The following NRXN1 variants were observed in gnomAD, a reference collection of about 807,000 sequenced individuals.
NRXN1 encodes the protein neurexin-1.
In NRXN1, 39 loss-of-function variants were observed where a neutral mutation model predicts 150.9. The observed-to-expected ratio is 0.26, with a 90% CI of 0.20 to 0.34. NRXN1 has a LOEUF of 0.34. Among genes scored for constraint, NRXN1 ranks in the 10% least tolerant of loss-of-function variants. The pLI, the probability that NRXN1 is intolerant of heterozygous loss-of-function variation, is 1.00. For missense variants in NRXN1, 1,815 were observed against 1,949.9 expected (o/e 0.93, Z 1.30); for synonymous variants, 924 against 757.0 (o/e 1.22, Z -3.62).
chr2:50,382,136 T>C (rs540271861), intron 17 of NRXN1, among the ~76,000 whole-genome samples: 5 of 152,228 alleles, frequency 3.3e-5, no homozygotes, highest in African/African-American at 1.2e-4. Context: ...ACTCTATTTA[T>C]GAATGAAGTA....
intron 18 of NRXN1, among the ~76,000 whole-genome samples, chr2:50,167,338 T>C (rs550808773): frequency 1.8e-4 from 28 of 152,268 alleles, no homozygotes; most frequent in South Asian, 4.1e-4. Context: ...TATCCTTCGT[T>C]GGAGGAAATC....
chr2:50,393,434 A>G (rs1410803550), intron 17 of NRXN1, among the ~76,000 whole-genome samples: 1 of 152,092 alleles, frequency 6.6e-6, no homozygotes, highest in Non-Finnish European at 1.5e-5. Context: ...GAGAAGGATT[A>G]CAGGATAGTG....
In NRXN1 at chr2:50,497,516, A is replaced by C; in HGVS notation, c.2696T>G (p.Phe899Cys). The C allele has an allele frequency of 6.2e-7, 1 of 1,613,950 alleles. No homozygotes were observed. The highest frequency in any genetic ancestry group is 2.2e-5 in the East Asian group (1 of 44,878). ...GACAGGATCTGCTATGATGTTCCTGAAGCCAAATCTGGCATTAAGCTCACA... is the reference window on the plus strand; with the variant it reads ...GACAGGATCTGCTATGATGTTCCTGCAGCCAAATCTGGCATTAAGCTCACA... ...DYCELNARFG[F>C]RNIIADPVTF... Residue 899 changes from phenylalanine to cysteine, a missense_variant, in exon 14 of 23, where the codon TTC (phenylalanine) becomes TGC (cysteine). Physicochemically the swap from Phe to Cys is radical, Grantham distance 205 (BLOSUM62 -2). Around this residue, in one of 6 missense-constraint regions of NRXN1, gnomAD observed 638 missense variants for 652.6 expected, o/e 0.98. Coordinates refer to ENST00000401669, the MANE Select transcript of NRXN1 (RefSeq NM_001330078.2).
At chr2:50,092,268 C>T (rs768258005) in intron 18 of NRXN1, among the ~76,000 whole-genome samples, 1 of 152,276 alleles carries the variant, frequency 6.6e-6, no homozygotes, top group Non-Finnish European at 1.5e-5. Flanking sequence ...AAAGTTGTTG[C>T]TGTTAACTTT....
Position 50,998,256 on chromosome 2 carries a change from C to A in NRXN1, c.772+29246G>T, listed in dbSNP as rs1414558284. On this transcript the variant is annotated intron_variant, in intron 2 of 22. Transcript: ENST00000401669. Reference sequence around the variant, plus strand: ...ACTGATATGTTAAAAAAATTACTCACAAAACACATGCATACAGAATATAGT... The same window carrying A: ...ACTGATATGTTAAAAAAATTACTCAAAAAACACATGCATACAGAATATAGT... Among the ~76,000 whole-genome samples the A allele has an allele frequency of 2.1e-5, 3 of 141,656 alleles. 1 individual carries two copies. Among genetic ancestry groups the A allele is most frequent in the African/African-American group, 8.9e-5 (3 of 33,816 alleles). 92.9% of individuals were successfully genotyped at this position (141,656 alleles called of 152,430 possible).
At chr2:50,053,744 G>C (rs1460847714) in intron 20 of NRXN1, among the ~76,000 whole-genome samples, 154 bp from the exon 21 acceptor site, 1 of 152,172 alleles carries the variant, frequency 6.6e-6, no homozygotes, top group Non-Finnish European at 1.5e-5. Context: ...TAAATGAGGT[G>C]TCCATGAAAT....
At chr2:49,959,831 G>A (rs780556373) in intron 21 of NRXN1, among the ~76,000 whole-genome samples, 12 of 152,014 alleles carry the variant, frequency 7.9e-5, no homozygotes, top group Admixed American at 3.3e-4. Context: ...TGAAAATAAC[G>A]TTTCTTAATA....
At chr2:50,995,283 A>G (rs1699092756) in intron 2 of NRXN1, among the ~76,000 whole-genome samples, 3 of 151,908 alleles carry the variant, frequency 2.0e-5, no homozygotes. Context: ...TCAAACCACA[A>G]ATTAGTGGCA....
intron 17 of NRXN1, among the ~76,000 whole-genome samples, chr2:50,457,141 G>T (rs915973700): frequency 6.6e-6 from 1 of 152,056 alleles, no homozygotes; most frequent in African/African-American, 2.4e-5. Context: ...TAATAACAGA[G>T]CTGGAAGTTA....
chr2:50,358,938 ACAGGGTCTGGAGCGGACC>A (rs1272538309), intron 17 of NRXN1, among the ~76,000 whole-genome samples: 2 of 152,218 alleles, frequency 1.3e-5, no homozygotes, highest in Non-Finnish European at 2.9e-5. Context: ...ACCCAGGCAA[ACAGGGTCTGGAGCGGACC>A]CCCCAGCAAA....
intron 21 of NRXN1, among the ~76,000 whole-genome samples, chr2:49,960,529 T>C (rs1573062451): frequency 6.6e-6 from 1 of 152,146 alleles, no homozygotes; most frequent in Admixed American, 6.6e-5. Flanking sequence ...AATTTCCTCA[T>C]TCAAATTTGA....
chr2:49,941,194 T>G (rs573427102), intron 22 of NRXN1, among the ~76,000 whole-genome samples: 61 of 151,978 alleles, frequency 4.0e-4, no homozygotes, highest in African/African-American at 1.4e-3. Context: ...AACAAATACG[T>G]AAACATGATT....
intron 2 of NRXN1, among the ~76,000 whole-genome samples, chr2:50,972,415 C>T (rs1255844611): frequency 1.3e-5 from 2 of 152,114 alleles, no homozygotes; most frequent in Admixed American, 1.3e-4. Flanking sequence ...CACATAGAGA[C>T]ACAGTGACTT....
At chr2:50,077,660 C>G (rs1053569445) in intron 19 of NRXN1, among the ~76,000 whole-genome samples, 1 of 152,082 alleles carries the variant, frequency 6.6e-6, no homozygotes, top group Non-Finnish European at 1.5e-5. Context: ...TTAGGTGACA[C>G]TATCAAGAAA....
chr2:50,227,542 G>A (rs2064517059), intron 18 of NRXN1, among the ~76,000 whole-genome samples: 1 of 151,952 alleles, frequency 6.6e-6, no homozygotes, highest in Non-Finnish European at 1.5e-5. Flanking sequence ...GCTGAAAGTG[G>A]GTGAACATTA....
intron 5 of NRXN1, among the ~76,000 whole-genome samples, chr2:50,811,801 GATC>G (rs1036998205): frequency 1.3e-5 from 2 of 152,158 alleles, no homozygotes; most frequent in African/African-American, 4.8e-5. Context: ...TATGAAAGAT[GATC>G]ATGTCTAATG....
intron 17 of NRXN1, among the ~76,000 whole-genome samples, chr2:50,381,207 C>A (rs1369478737): frequency 6.6e-6 from 1 of 150,880 alleles, no homozygotes; most frequent in African/African-American, 2.5e-5. Flanking sequence ...GAGAACAAGA[C>A]AAAGTTTCAT....
In NRXN1 at chr2:50,305,174, A is replaced by G. The variant is rs531683078; in HGVS notation, c.3365-68204T>C. On this transcript the variant is annotated intron_variant, in intron 17 of 22. Coordinates refer to ENST00000401669, the MANE Select transcript of NRXN1 (RefSeq NM_001330078.2). ...TGTATCCACATTACCAGCAGGCAAA[A>G]CAAGTGAAGACTTTTAAAAAATGAT... Among the ~76,000 whole-genome samples, 41 of 152,304 alleles carry G rather than the reference A, an allele frequency of 2.7e-4. 1 individual carries two copies. Among genetic ancestry groups the G allele is most frequent in the African/African-American group, 9.6e-4 (40 of 41,554 alleles).
At chr2:50,560,061 A>G (rs1284113690) in intron 8 of NRXN1, among the ~76,000 whole-genome samples, 2 of 152,190 alleles carry the variant, frequency 1.3e-5, no homozygotes, top group African/African-American at 4.8e-5. Context: ...CAATCTGAAA[A>G]GCAGAATAAA....
Sources: allele counts gnomAD v4.1 joint callset (sites outside exome capture counted in the v4.1 genomes callset), GRCh38; gene constraint gnomAD v4.1.1; regional missense constraint gnomAD v4.1.1; transcripts MANE v1.5; gene names NCBI Gene and HGNC (gene_info 2026-07-23, HGNC 2026-07-21).